Variants in DSCAM observed in about 807,000 individuals in gnomAD.
DSCAM encodes the protein cell adhesion molecule DSCAM.
DSCAM carries 47 observed loss-of-function variants against 217.7 expected under a neutral mutation model. The ratio of observed to expected loss-of-function variants is 0.22; its 90% confidence interval spans 0.17 to 0.28. The LOEUF (loss-of-function observed/expected upper bound fraction) is 0.28. Among genes scored for constraint, DSCAM ranks in the 10% least tolerant of loss-of-function variants. The probability of loss-of-function intolerance (pLI) is 1.00; values close to 1 mark genes in which losing one functional copy is unlikely to be tolerated. For missense variants in DSCAM, 2,080 were observed against 2,618.3 expected (o/e 0.79, Z 4.49); for synonymous variants, 1,056 against 1,015.3 (o/e 1.04, Z -0.76).
At chr21:40,398,377 C>T (rs530292466) in intron 3 of DSCAM, among the ~76,000 whole-genome samples, 2 of 152,238 alleles carry the variant, frequency 1.3e-5, no homozygotes, top group South Asian at 4.2e-4. Flanking sequence ...CAGTTTTCTC[C>T]CCTGTGCTCA....
At chr21:40,216,499 T>C (rs2091245046) in intron 11 of DSCAM, among the ~76,000 whole-genome samples, 1 of 152,210 alleles carries the variant, frequency 6.6e-6, no homozygotes, top group African/African-American at 2.4e-5. Context: ...AAAGTCCGTC[T>C]ATTTTAGAAT....
intron 20 of DSCAM, among the ~76,000 whole-genome samples, chr21:40,122,822 CA>C (rs1375051254): frequency 1.3e-5 from 2 of 152,182 alleles, no homozygotes; most frequent in Admixed American, 6.5e-5. Flanking sequence ...CTTCATGGGC[CA>C]AGCAAGCCCA....
chr21:40,321,794 A>C (rs1391906677), intron 8 of DSCAM, among the ~76,000 whole-genome samples: 1 of 152,112 alleles, frequency 6.6e-6, no homozygotes, highest in Non-Finnish European at 1.5e-5. Flanking sequence ...ACCTTCGCTT[A>C]CTGGGAGTAT....
intron 3 of DSCAM, among the ~76,000 whole-genome samples, chr21:40,633,422 T>G (rs1305683933): frequency 1.3e-5 from 2 of 152,212 alleles, no homozygotes; most frequent in Non-Finnish European, 2.9e-5. Context: ...GCTATACTCT[T>G]CGTTCCCAAT....
chr21:40,342,042 C>T (rs1036170005), intron 6 of DSCAM, among the ~76,000 whole-genome samples: 2 of 152,120 alleles, frequency 1.3e-5, no homozygotes, highest in South Asian at 2.1e-4. Context: ...CCAGAAATAC[C>T]GTGGAAGGCA....
chr21:40,128,353 C>T (rs1238682253), intron 19 of DSCAM, among the ~76,000 whole-genome samples: 1 of 151,676 alleles, frequency 6.6e-6, no homozygotes, highest in African/African-American at 2.4e-5. Context: ...CTGGGTGATT[C>T]CTTCCCCTTG....
chr21:40,484,283 A>G (rs1417064737), intron 3 of DSCAM, among the ~76,000 whole-genome samples: 2 of 152,254 alleles, frequency 1.3e-5, no homozygotes, highest in East Asian at 3.8e-4. Flanking sequence ...TGCCCTATCC[A>G]GTTCATCCAT....
chr21:40,175,770 AACACACACATACACACACACAC>A (rs2090718227), intron 15 of DSCAM, among the ~76,000 whole-genome samples: 1 of 126,354 alleles, frequency 7.9e-6, no homozygotes, highest in African/African-American at 3.2e-5. Context: ...ATATTTTCTC[AACACACACATACACACACACAC>A]ACACACACAC....
chr21:40,172,284 T>C (rs985008944), intron 15 of DSCAM, among the ~76,000 whole-genome samples: 4 of 152,178 alleles, frequency 2.6e-5, no homozygotes, highest in Admixed American at 1.3e-4. Flanking sequence ...AAACAAGTGA[T>C]TTTACAAAAT....
intron 3 of DSCAM, among the ~76,000 whole-genome samples, chr21:40,629,059 GTAGTA>G (rs2089646030): frequency 6.7e-6 from 1 of 149,854 alleles, no homozygotes; most frequent in Admixed American, 6.7e-5. Context: ...GTATGTGTGT[GTAGTA>G]TGTGTGTGTG....
intron 3 of DSCAM, among the ~76,000 whole-genome samples, chr21:40,399,090 G>C (rs1225146773): frequency 1.3e-5 from 2 of 152,120 alleles, no homozygotes; most frequent in East Asian, 3.9e-4. Context: ...GAGCAACATA[G>C]CCAGACCTTG....
intron 2 of DSCAM, among the ~76,000 whole-genome samples, chr21:40,708,080 C>A (rs1479725729): frequency 6.6e-6 from 1 of 152,070 alleles, no homozygotes; most frequent in East Asian, 1.9e-4. Context: ...TTTTTTCTCT[C>A]TCTTTCTCCT....
At chr21:40,695,269 T>C (rs8133206) in intron 2 of DSCAM, among the ~76,000 whole-genome samples, 41,335 of 151,726 alleles carry the variant, frequency 0.27, 7,108 homozygotes, top group African/African-American at 0.49. Flanking sequence ...GTGTACAGCC[T>C]ACACTAGATG....
chr21:40,331,387 A>G (rs909287644), intron 8 of DSCAM, among the ~76,000 whole-genome samples: 5 of 152,214 alleles, frequency 3.3e-5, no homozygotes, highest in Admixed American at 3.3e-4. Flanking sequence ...AGAAGACGGC[A>G]TCCCCGGCCG....
At chr21:40,626,914 T>C (rs1013715040) in intron 3 of DSCAM, among the ~76,000 whole-genome samples, 3 of 152,232 alleles carry the variant, frequency 2.0e-5, no homozygotes, top group South Asian at 4.1e-4. Context: ...ACTTGAAAAC[T>C]TGATTCATAA....
chr21:40,705,039 A>G (rs2090697330), intron 2 of DSCAM, among the ~76,000 whole-genome samples: 1 of 152,222 alleles, frequency 6.6e-6, no homozygotes, highest in South Asian at 2.1e-4. Context: ...GTGATCAAGT[A>G]TCAAGAGTAA....
chr21:40,554,739 G>A (rs1033626782), intron 3 of DSCAM, among the ~76,000 whole-genome samples: 1 of 152,158 alleles, frequency 6.6e-6, no homozygotes, highest in African/African-American at 2.4e-5. Context: ...CAAACTATAT[G>A]TAAAATATAA....
intron 11 of DSCAM, among the ~76,000 whole-genome samples, chr21:40,210,576 G>A (rs1046612489): frequency 6.6e-5 from 10 of 152,040 alleles, no homozygotes; most frequent in Admixed American, 2.0e-4. Context: ...ATGGATTCTC[G>A]CTCTGTCACC....
chr21:40,072,616 A>G (rs146294316), intron 27 of DSCAM, among the ~76,000 whole-genome samples: 4,958 of 152,070 alleles, frequency 0.033, 111 homozygotes, highest in Middle Eastern at 0.048. Context: ...CCAAAGTGCT[A>G]GGATTACAGG....
Sources: gnomAD v4.1 joint callset for allele counts (sites outside exome capture counted in the v4.1 genomes callset) on GRCh38, gnomAD v4.1.1 for gene constraint, MANE v1.5 for transcripts, NCBI Gene and HGNC (gene_info 2026-07-23, HGNC 2026-07-21) for gene names.